The following PLSCR4 variants were observed in gnomAD, a reference collection of about 807,000 sequenced individuals.
The protein encoded by PLSCR4 is Ca(2+)-dependent phospholipid scramblase 4.
In PLSCR4, 25 loss-of-function variants were observed where a neutral mutation model predicts 36.3. That is an observed-to-expected ratio of 0.69 (90% confidence interval 0.50 to 0.96). PLSCR4 has a LOEUF of 0.96. Among genes scored for constraint, PLSCR4 ranks in the 40% least tolerant of loss-of-function variants. The pLI, the probability that PLSCR4 is intolerant of heterozygous loss-of-function variation, is 0.00. For missense variants in PLSCR4, 408 were observed against 414.7 expected, an observed-to-expected ratio of 0.98 and a Z score of 0.14; for synonymous variants, 122 against 132.9, an observed-to-expected ratio of 0.92 and a Z score of 0.56.
Position 146,197,557 on chromosome 3 carries a change from A to C in PLSCR4, c.625-764T>G, listed in dbSNP as rs1042826099. Among the ~76,000 whole-genome samples the C allele has an allele frequency of 8.5e-5, 13 of 152,190 alleles. 1 individual carries two copies. Among genetic ancestry groups the C allele is most frequent in the Admixed American group, 2.6e-4 (4 of 15,272 alleles). ...TTTGAAAATTATATATTGTGAAAACAACAAAATGTGTACATGGGTTTATAA... is the reference window on the plus strand; with the variant it reads ...TTTGAAAATTATATATTGTGAAAACCACAAAATGTGTACATGGGTTTATAA... On this transcript the variant is annotated intron_variant, in intron 6 of 8. Coordinates refer to ENST00000354952, the MANE Select transcript of PLSCR4 (RefSeq NM_020353.3).
chr3:146,210,265 T>C (rs6789877), intron 3 of PLSCR4, among the ~76,000 whole-genome samples: 2,121 of 152,222 alleles, frequency 0.014, 49 homozygotes, highest in African/African-American at 0.049. Context: ...TTCACAAATA[T>C]AGGGGTCCAA....
In PLSCR4 at chr3:146,219,959, A is replaced by G. The variant is rs954116140; in HGVS notation, c.118+856T>C. ...CCATCTCAAAAAAAAAACTTTTGCC[A>G]TTATCTTGTGCCATTATCTTGTACA... On this transcript the variant is annotated intron_variant, in intron 3 of 8. Transcript: ENST00000354952. Among the ~76,000 whole-genome samples, 15 of 152,066 alleles carry G rather than the reference A, an allele frequency of 9.9e-5. 5 individuals carry two copies. Among genetic ancestry groups the G allele is most frequent in the Admixed American group, 6.6e-5 (1 of 15,264 alleles).
intron 1 of PLSCR4, among the ~76,000 whole-genome samples, chr3:146,235,319 T>C (rs965036986): frequency 6.6e-5 from 10 of 152,050 alleles, no homozygotes; most frequent in Admixed American, 6.6e-5. Flanking sequence ...TCGTGACATC[T>C]AGTTGTTTAA....
chr3:146,205,820 G>A (rs78653873), intron 4 of PLSCR4, among the ~76,000 whole-genome samples: 1 of 152,014 alleles, frequency 6.6e-6, no homozygotes, highest in Non-Finnish European at 1.5e-5. Context: ...AATAAAAGGC[G>A]TCTACTCTGC....
intron 1 of PLSCR4, among the ~76,000 whole-genome samples, chr3:146,240,806 T>C (rs75096217): frequency 0.012 from 1,900 of 152,304 alleles, 45 homozygotes; most frequent in African/African-American, 0.044. Context: ...TCATTATGGT[T>C]AATACAGTTA....
intron 4 of PLSCR4, among the ~76,000 whole-genome samples, chr3:146,201,725 A>G (rs1286808829): frequency 6.6e-6 from 1 of 152,112 alleles, no homozygotes; most frequent in Non-Finnish European, 1.5e-5. Flanking sequence ...GAAAGGAAAC[A>G]TTGTTAGATG....
At chr3:146,194,901 T>C (rs1240945891) in intron 8 of PLSCR4, among the ~76,000 whole-genome samples, 3 of 152,182 alleles carry the variant, frequency 2.0e-5, no homozygotes, top group Non-Finnish European at 2.9e-5. Context: ...TTTACCATGA[T>C]AGCTAACATT....
intron 3 of PLSCR4, 43 bp from the exon 4 acceptor site, chr3:146,206,804 A>AG (rs35080966): frequency 8.3e-7 from 1 of 1,205,446 alleles, no homozygotes; most frequent in Non-Finnish European, 1.2e-6. Context: ...TATTAACACT[A>AG]AAGTTAGCAT....
rs779299265 is a variant in PLSCR4 at position 146,195,237 on chromosome 3, T to G, written c.832A>C (p.Lys278Gln). The change falls in exon 8 of 9, where the codon AAG becomes CAG. Residue 278 changes from lysine (K) to glutamine (Q), a missense_variant. By Grantham distance (53) the Lys-to-Gln change is moderately conservative. Coordinates refer to ENST00000354952, the MANE Select transcript of PLSCR4 (RefSeq NM_020353.3). ...ATTGCTGATAACAAACCATTCCACT[T>G]CCGGATAATACTGCCGATGTTGGAT... ...GISNIGSIIR[K>Q]WNGLLSAMAD... is the part of the protein sequence containing the mutation. 6.2e-7 allele frequency: 1 copy of G among 1,613,778 alleles called. No individual in the cohort carries two copies. Among genetic ancestry groups the G allele is most frequent in the Admixed American group, 1.7e-5 (1 of 60,002 alleles).
chr3:146,240,481 C>T (rs1475834704), intron 1 of PLSCR4, among the ~76,000 whole-genome samples: 2 of 152,048 alleles, frequency 1.3e-5, no homozygotes, highest in Admixed American at 6.6e-5. Context: ...GGCATGTACC[C>T]GTAGTCCCAG....
At chr3:146,237,940 T>C (rs1311376755) in intron 1 of PLSCR4, among the ~76,000 whole-genome samples, 1 of 151,696 alleles carries the variant, frequency 6.6e-6, no homozygotes, top group African/African-American at 2.4e-5. Context: ...TGACAAACTT[T>C]TGGATACACT....
chr3:146,200,078 T>C, intron 5 of PLSCR4, 39 bp from the exon 6 acceptor site: 1 of 1,176,620 alleles, frequency 8.5e-7, no homozygotes, highest in Non-Finnish European at 1.3e-6. Context: ...TAGAAACATT[T>C]AAAATGGGCC....
At chr3:146,239,519 C>CAAA (rs34713180) in intron 1 of PLSCR4, among the ~76,000 whole-genome samples, 52 of 110,580 alleles carry the variant, frequency 4.7e-4, no homozygotes, top group African/African-American at 1.6e-3. Context: ...CATCCACATA[C>CAAA]AAAAAAAAAA....
At chr3:146,235,066 T>C (rs1313025259) in intron 1 of PLSCR4, among the ~76,000 whole-genome samples, 1 of 152,070 alleles carries the variant, frequency 6.6e-6, no homozygotes, top group Non-Finnish European at 1.5e-5. Context: ...TAAAATAATA[T>C]GCAAAATGAC....
chr3:146,245,677 A>T (rs935879140), intron 1 of PLSCR4, among the ~76,000 whole-genome samples: 4 of 152,056 alleles, frequency 2.6e-5, no homozygotes, highest in Non-Finnish European at 5.9e-5. Flanking sequence ...CAATGTTTTT[A>T]AAAAATATGG....
chr3:146,231,676 T>C (rs2035721036), intron 1 of PLSCR4, among the ~76,000 whole-genome samples: 2 of 152,156 alleles, frequency 1.3e-5, no homozygotes, highest in Non-Finnish European at 2.9e-5. Context: ...AAAATGTCTA[T>C]TCATAACCTT....
At chr3:146,230,549 A>G (rs2035667418) in intron 1 of PLSCR4, among the ~76,000 whole-genome samples, 1 of 152,228 alleles carries the variant, frequency 6.6e-6, no homozygotes, top group Admixed American at 6.5e-5. Flanking sequence ...CTATGGCCCA[A>G]CAAAGTCACT....
rs551965716 is a variant in PLSCR4 at position 146,249,685 on chromosome 3, C to T, written c.-22+1275G>A. ...ATTATTTGTAATATATTATACATAACGTTAATATGTTTGTTCTTCCACATG... is the reference window on the plus strand; with the variant it reads ...ATTATTTGTAATATATTATACATAATGTTAATATGTTTGTTCTTCCACATG... On this transcript the variant is annotated intron_variant, in intron 1 of 8. Transcript: ENST00000354952. Among the ~76,000 whole-genome samples the T allele has an allele frequency of 3.0e-3, 453 of 150,964 alleles. 1 individual carries two copies. The highest frequency in any genetic ancestry group is 4.8e-3 in the Non-Finnish European group (328 of 67,682).
intron 3 of PLSCR4, among the ~76,000 whole-genome samples, chr3:146,217,639 A>G (rs1233061725): frequency 1.3e-5 from 2 of 152,194 alleles, no homozygotes; most frequent in East Asian, 3.9e-4. Flanking sequence ...AAGATACAAC[A>G]TTGACTTTGA....
Sources: gnomAD v4.1 joint callset for allele counts (sites outside exome capture counted in the v4.1 genomes callset) on GRCh38, gnomAD v4.1.1 for gene constraint, MANE v1.5 for transcripts, NCBI Gene and HGNC (gene_info 2026-07-23, HGNC 2026-07-21) for gene names.